PHKB: variants seen among roughly 807,000 people sequenced by gnomAD.
PHKB encodes the protein phosphorylase kinase regulatory subunit beta.
Under a neutral mutation model 152.1 loss-of-function variants are expected in PHKB, and 122 were observed. The observed-to-expected ratio is 0.80, with a 90% CI of 0.69 to 0.93. PHKB has a LOEUF of 0.93. Ranked by LOEUF, PHKB falls within the 40% of genes least tolerant of loss-of-function variation. PHKB has a pLI of 0.00. For synonymous variants in PHKB, 436 were observed against 464.9 expected (o/e 0.94, Z 0.80); for missense variants, 1,304 against 1,328.4 (o/e 0.98, Z 0.29).
At chr16:47,484,407 T>C (rs1399007891) in intron 1 of PHKB, among the ~76,000 whole-genome samples, 2 of 152,200 alleles carry the variant, frequency 1.3e-5, no homozygotes, top group Non-Finnish European at 2.9e-5. Flanking sequence ...TGGAGAAACG[T>C]AGACTCTAAA....
chr16:47,659,199 A>C (rs1389707536), intron 20 of PHKB, among the ~76,000 whole-genome samples: 2 of 152,154 alleles, frequency 1.3e-5, no homozygotes, highest in Non-Finnish European at 2.9e-5. Context: ...TATGATTGCT[A>C]TTAATACGTC....
At chr16:47,511,584 T>G in intron 4 of PHKB, 81 bp from the exon 5 acceptor site, 1 of 1,022,900 alleles carries the variant, frequency 9.8e-7, no homozygotes, top group Non-Finnish European at 1.5e-6. Context: ...TTAAAAAGTT[T>G]CATGAAAAAT....
chr16:47,489,135 C>T (rs1187699054), intron 1 of PHKB, among the ~76,000 whole-genome samples: 1 of 152,050 alleles, frequency 6.6e-6, no homozygotes, highest in Non-Finnish European at 1.5e-5. Context: ...CTCACTGTGA[C>T]CACCTCCCAA....
intron 4 of PHKB, among the ~76,000 whole-genome samples, chr16:47,505,827 G>A (rs1253774956): frequency 6.6e-6 from 1 of 151,890 alleles, no homozygotes; most frequent in Non-Finnish European, 1.5e-5. Flanking sequence ...GAGGCCAGGA[G>A]TTCGAGAGCA....
intron 20 of PHKB, among the ~76,000 whole-genome samples, chr16:47,658,949 A>G (rs921808938): frequency 1.2e-4 from 19 of 152,106 alleles, no homozygotes; most frequent in African/African-American, 4.6e-4. Context: ...CTCAATACCT[A>G]ACATAGTACC....
intron 16 of PHKB, among the ~76,000 whole-genome samples, chr16:47,646,690 G>T (rs1973134400): frequency 1.3e-5 from 2 of 151,378 alleles, no homozygotes; most frequent in South Asian, 4.2e-4. Flanking sequence ...ATATTATTTT[G>T]ACCCAAGAAG....
At chr16:47,525,043 T>G (rs1435633352) in intron 6 of PHKB, among the ~76,000 whole-genome samples, 2 of 152,208 alleles carry the variant, frequency 1.3e-5, no homozygotes, top group African/African-American at 4.8e-5. Context: ...GGCTTTAGTA[T>G]TCTGAGTCAG....
At chr16:47,689,438 C>G (rs1193875880) in intron 27 of PHKB, among the ~76,000 whole-genome samples, 1 of 152,094 alleles carries the variant, frequency 6.6e-6, no homozygotes, top group Non-Finnish European at 1.5e-5. Flanking sequence ...TTATTCTGTG[C>G]AAAATGTAAC....
intron 1 of PHKB, among the ~76,000 whole-genome samples, chr16:47,476,649 T>C (rs1969873605): frequency 6.6e-6 from 1 of 152,232 alleles, no homozygotes; most frequent in Non-Finnish European, 1.5e-5. Flanking sequence ...TTTAAGTCCT[T>C]CTTAGTTTTT....
chr16:47,696,164 A>C (rs1241356309), intron 28 of PHKB, among the ~76,000 whole-genome samples: 1 of 152,230 alleles, frequency 6.6e-6, no homozygotes, highest in African/African-American at 2.4e-5. Flanking sequence ...AATATAGTGA[A>C]GGTAACTACT....
intron 14 of PHKB, among the ~76,000 whole-genome samples, chr16:47,625,942 G>T (rs888412807): frequency 6.6e-6 from 1 of 152,104 alleles, no homozygotes; most frequent in Admixed American, 6.5e-5. Flanking sequence ...TAAGAGCATC[G>T]TATTTAATAT....
At chr16:47,678,983 A>C (rs1391047996) in intron 26 of PHKB, among the ~76,000 whole-genome samples, 1 of 152,194 alleles carries the variant, frequency 6.6e-6, no homozygotes, top group Non-Finnish European at 1.5e-5. Flanking sequence ...TCAGCTTTCT[A>C]CATATGGCTA....
intron 5 of PHKB, 113 bp from the exon 6 acceptor site, chr16:47,515,407 AT>A (rs1186363918): frequency 3.6e-5 from 25 of 697,772 alleles, no homozygotes; most frequent in Non-Finnish European, 6.0e-5. Context: ...AGGAAAGGAA[AT>A]AGTTTTATGA....
intron 7 of PHKB, among the ~76,000 whole-genome samples, chr16:47,558,820 G>T (rs890763875): frequency 1.3e-5 from 2 of 152,214 alleles, no homozygotes; most frequent in Non-Finnish European, 2.9e-5. Flanking sequence ...AAAGTGCTGG[G>T]ATTACAGGCA....
chr16:47,614,925 A>G (rs951203676), intron 14 of PHKB, among the ~76,000 whole-genome samples: 1 of 152,174 alleles, frequency 6.6e-6, no homozygotes, highest in African/African-American at 2.4e-5. Flanking sequence ...TGCTAGCAAC[A>G]AATTTCTTAG....
At chr16:47,470,679 T>TA (rs1555468169) in intron 1 of PHKB, among the ~76,000 whole-genome samples, 2 of 152,212 alleles carry the variant, frequency 1.3e-5, no homozygotes, top group African/African-American at 4.8e-5. Flanking sequence ...CAGACCCTAT[T>TA]ACCCAGCCAC....
chr16:47,496,374 A>G (rs1314386925), intron 1 of PHKB, among the ~76,000 whole-genome samples: 1 of 152,150 alleles, frequency 6.6e-6, no homozygotes, highest in East Asian at 1.9e-4. Context: ...CTGCCTAAAC[A>G]TAAAGGCTTC....
chr16:47,610,789 G>A (rs1373890765), intron 13 of PHKB, 37 bp from the exon 14 acceptor site: 2 of 1,134,720 alleles, frequency 1.8e-6, no homozygotes, highest in African/African-American at 1.5e-5. Flanking sequence ...TTATGCAAAT[G>A]CATTTTCGAT....
intron 6 of PHKB, among the ~76,000 whole-genome samples, chr16:47,533,184 A>C (rs1387870255): frequency 2.0e-5 from 3 of 152,106 alleles, no homozygotes; most frequent in Non-Finnish European, 4.4e-5. Flanking sequence ...TGGAGTAGGT[A>C]GCTCCTCTCT....
Sources: allele counts gnomAD v4.1 joint callset (sites outside exome capture counted in the v4.1 genomes callset), GRCh38; gene constraint gnomAD v4.1.1; transcripts MANE v1.5; gene names NCBI Gene and HGNC (gene_info 2026-07-23, HGNC 2026-07-21).